The following GABRA6 variants were observed in gnomAD, a reference collection of about 807,000 sequenced individuals.
GABRA6 encodes the protein gamma-aminobutyric acid receptor subunit alpha-6.
A neutral mutation model predicts 47.3 loss-of-function variants in GABRA6; 45 were observed. That is an observed-to-expected ratio of 0.95 (90% CI 0.75 to 1.22). The LOEUF (loss-of-function observed/expected upper bound fraction) is 1.22. GABRA6 is among the 50% of genes most tolerant of loss of function. GABRA6 has a pLI of 0.00. For missense variants in GABRA6, 583 were observed against 549.3 expected (o/e 1.06, Z -0.61); for synonymous variants, 219 against 194.7 (o/e 1.12, Z -1.04).
chr5:161,692,102 C>A lies in GABRA6; in HGVS notation c.988C>A (p.Leu330Ile). Residue 330 changes from leucine (L) to isoleucine (I), a missense_variant, in exon 8 of 9, where the codon CTT becomes ATT. By Grantham distance (5) the Leu-to-Ile change is conservative (BLOSUM62 2). Transcript: ENST00000274545. ...CGCAGCTGTCAACTACTTTACCAAT[C>A]TTCAGACACAGAAGGCCAAAAGGAA... is the stretch of plus-strand genomic sequence containing the variant. ...EFAAVNYFTN[L>I]QTQKAKRKAQ... 1.9e-6 allele frequency: 3 copies of A among 1,614,170 alleles called. No homozygotes were observed. The highest frequency in any genetic ancestry group is 2.5e-6 in the Non-Finnish European group (3 of 1,180,012).
rs1470584188 is a variant in GABRA6, at chr5:161,689,316, G to T, written c.509G>T (p.Cys170Phe). The change falls in exon 5 of 9, where the codon TGT becomes TTT. Residue 170 changes from cysteine to phenylalanine, a missense_variant. Cys to Phe is a radical substitution (Grantham distance 205, BLOSUM62 -2). Transcript: ENST00000274545. ...AACTTTCCTATGGATGGGCATGCTT[G>T]TCCACTCAAGTTTGGGAGCTGTAAG... ...LVNFPMDGHA[C>F]PLKFGSYAYP... 1 of 1,613,970 alleles carries T rather than the reference G, an allele frequency of 6.2e-7. No individual in the cohort carries two copies.
chr5:161,686,819 A>G (rs1754709394), intron 2 of GABRA6, 117 bp from the exon 3 acceptor site: 1 of 854,488 alleles, frequency 1.2e-6, no homozygotes, highest in South Asian at 1.4e-5. Flanking sequence ...CTGGAATGCA[A>G]TAGGACACAT....
intron 3 of GABRA6, among the ~76,000 whole-genome samples, chr5:161,688,689 T>C (rs1406779847): frequency 6.6e-6 from 1 of 152,262 alleles, no homozygotes; most frequent in East Asian, 1.9e-4. Context: ...GATGACTGGA[T>C]AGATAAAGAG....
At chr5:161,699,056 C>G (rs573252675) in intron 8 of GABRA6, among the ~76,000 whole-genome samples, 1 of 152,226 alleles carries the variant, frequency 6.6e-6, no homozygotes, top group Non-Finnish European at 1.5e-5. Flanking sequence ...CACCACATCT[C>G]TAAAAAACGG....
chr5:161,690,173 T>C (rs1754767255), intron 6 of GABRA6, 28 bp from the exon 7 acceptor site: 2 of 1,608,176 alleles, frequency 1.2e-6, no homozygotes, highest in Non-Finnish European at 1.7e-6. Flanking sequence ...TCAGCAGTAA[T>C]AATACTGATG....
At chr5:161,689,922 C>A in intron 6 of GABRA6, 143 bp downstream of exon 6, 1 of 891,342 alleles carries the variant, frequency 1.1e-6, no homozygotes, top group Non-Finnish European at 1.7e-6. Context: ...TTCCTTAAAA[C>A]TGATTTTGCA....
chr5:161,689,312 G>C lies in GABRA6; in HGVS notation c.505G>C (p.Ala169Pro), dbSNP rs771529467. ...RLVNFPMDGH[A>P]CPLKFGSYAY... ...GGTTAACTTTCCTATGGATGGGCATGCTTGTCCACTCAAGTTTGGGAGCTG... is the reference window on the plus strand; with the variant it reads ...GGTTAACTTTCCTATGGATGGGCATCCTTGTCCACTCAAGTTTGGGAGCTG... The change falls in exon 5 of 9, where the codon GCT becomes CCT. Residue 169 changes from alanine to proline, a missense_variant. Transcript: ENST00000274545. 1 of 1,614,014 alleles carries C rather than the reference G, an allele frequency of 6.2e-7. No homozygotes were observed. Among genetic ancestry groups the C allele is most frequent in the East Asian group, 2.2e-5 (1 of 44,880 alleles).
intron 6 of GABRA6, 32 bp from the exon 7 acceptor site, chr5:161,690,169 G>A: frequency 1.2e-6 from 2 of 1,603,564 alleles, no homozygotes; most frequent in Non-Finnish European, 1.7e-6. Flanking sequence ...ACTGTCAGCA[G>A]TAATAATACT....
intron 8 of GABRA6, among the ~76,000 whole-genome samples, chr5:161,692,686 G>A (rs182220809): frequency 1.3e-5 from 2 of 152,244 alleles, no homozygotes; most frequent in African/African-American, 4.8e-5. Context: ...TCTGAATGTT[G>A]AGTCATAACC....
chr5:161,690,635 G>A (rs528500896), intron 7 of GABRA6, among the ~76,000 whole-genome samples: 4 of 152,108 alleles, frequency 2.6e-5, no homozygotes, highest in Non-Finnish European at 5.9e-5. Flanking sequence ...TCATAACTGA[G>A]GAAAAGCAGA....
intron 6 of GABRA6, 117 bp from the exon 7 acceptor site, chr5:161,690,084 C>G (rs977714675): frequency 4.1e-6 from 4 of 966,424 alleles, no homozygotes; most frequent in Admixed American, 3.6e-5. Flanking sequence ...TGAAATGTAC[C>G]TTTGCTTGTT....
rs1754805910 is a variant in GABRA6 at position 161,692,196 on chromosome 5, T to C, written c.1082T>C (p.Val361Ala). ...ACTGAACCTTTGGAAGCTGAGATTG[T>C]TTTGGTAATTGTTTACTTTTTCTAT... The part of the protein sequence containing the change: ...KATEPLEAEI[V>A]LHPDSKYHLK... Residue 361 changes from valine to alanine, a missense_variant, in exon 8 of 9, where the codon GTT (valine) becomes GCT (alanine). Physicochemically the swap from Val to Ala is moderately conservative, Grantham distance 64. Coordinates refer to ENST00000274545, the MANE Select transcript of GABRA6 (RefSeq NM_000811.3). 1.9e-6 allele frequency: 3 copies of C among 1,614,232 alleles called. No individual in the cohort carries two copies. The highest frequency in any genetic ancestry group is 2.5e-6 in the Non-Finnish European group (3 of 1,180,038).
rs189585779 is a variant in GABRA6, at chr5:161,699,257, T to C, written c.1087-2241T>C. 4.1e-4 allele frequency among the ~76,000 whole-genome samples: 62 copies of C among 152,326 alleles called. 1 individual carries two copies. Among genetic ancestry groups the C allele is most frequent in the African/African-American group, 1.4e-3 (58 of 41,584 alleles). ...AAAATCTGCTCTGAAGGCTGGCTTCTTTCTACTCTATCATGATTCTCATAA... is the reference window on the plus strand; with the variant it reads ...AAAATCTGCTCTGAAGGCTGGCTTCCTTCTACTCTATCATGATTCTCATAA... On this transcript the variant is annotated intron_variant, in intron 8 of 8. Transcript: ENST00000274545.
At chr5:161,698,674 GAGAGAGAA>G (rs1361989258) in intron 8 of GABRA6, among the ~76,000 whole-genome samples, 1 of 151,980 alleles carries the variant, frequency 6.6e-6, no homozygotes, top group African/African-American at 2.4e-5. Context: ...ACTTGAAGCT[GAGAGAGAA>G]TTAGAGCCTA....
chr5:161,686,040 C>T lies in GABRA6; in HGVS notation c.38+13C>T. The T allele has an allele frequency of 6.2e-7, 1 of 1,612,502 alleles. No individual in the cohort carries two copies. The highest frequency in any genetic ancestry group is 8.5e-7 in the Non-Finnish European group (1 of 1,178,570). On this transcript the variant is annotated intron_variant, in intron 1 of 8. Coordinates refer to ENST00000274545, the MANE Select transcript of GABRA6 (RefSeq NM_000811.3). ...GCATTATTCTGTGGTGAGTAAGATCCTTTTTCCTGATTTTTCTTTTTATCT... is the reference window on the plus strand; with the variant it reads ...GCATTATTCTGTGGTGAGTAAGATCTTTTTTCCTGATTTTTCTTTTTATCT...
chr5:161,690,616 T>G (rs564016951), intron 7 of GABRA6, among the ~76,000 whole-genome samples: 4 of 152,292 alleles, frequency 2.6e-5, no homozygotes, highest in Non-Finnish European at 5.9e-5. Context: ...TTTATCTTGA[T>G]TTTCTTTGTC....
chr5:161,693,038 G>A (rs1754827293), intron 8 of GABRA6, among the ~76,000 whole-genome samples: 1 of 152,140 alleles, frequency 6.6e-6, no homozygotes, highest in Non-Finnish European at 1.5e-5. Context: ...GTAGCTGTTA[G>A]AAGAGGAATG....
chr5:161,701,449 G>T, intron 8 of GABRA6, 49 bp from the exon 9 acceptor site: 1 of 1,579,528 alleles, frequency 6.3e-7, no homozygotes, highest in Non-Finnish European at 8.7e-7. Flanking sequence ...AAGCAATTAA[G>T]CAATATCTAT....
Position 161,701,593 on chromosome 5 carries a change from G to C in GABRA6, c.1182G>C (p.Ala394=). The change falls in exon 9 of 9, where the codon GCG becomes GCC. Residue 394 remains alanine (A), a synonymous_variant. Transcript: ENST00000274545. ...AGGCCAATAAAGTGCTCACGAGAGC[G>C]CCCATCTTACAATCAACACCTGTCA... ...SSEANKVLTR[A]PILQSTPVTP... is the part of the protein sequence containing the mutation. The C allele has an allele frequency of 6.2e-7, 1 of 1,614,080 alleles. No individual in the cohort carries two copies. The highest frequency in any genetic ancestry group is 1.1e-5 in the South Asian group (1 of 91,082).
Sources: allele counts gnomAD v4.1 joint callset (sites outside exome capture counted in the v4.1 genomes callset), GRCh38; gene constraint gnomAD v4.1.1; transcripts MANE v1.5; gene names NCBI Gene and HGNC (gene_info 2026-07-23, HGNC 2026-07-21).